DSPP: variants seen among roughly 807,000 people sequenced by gnomAD.
DSPP encodes the protein deafness, autosomal dominant 39.
A neutral mutation model predicts 29.1 loss-of-function variants in DSPP; 28 were observed. That is an observed-to-expected ratio of 0.96 (90% CI 0.71 to 1.32). The LOEUF is 1.32. Among genes scored for constraint, DSPP ranks in the 40% most tolerant of loss-of-function variants. The pLI is 0.00. For synonymous variants in DSPP, 481 were observed against 503.4 expected, an observed-to-expected ratio of 0.96 and a Z score of 0.60; for missense variants, 1,281 against 1,629.9, an observed-to-expected ratio of 0.79 and a Z score of 3.69.
At position 87,615,198 on chromosome 4, in the gene DSPP, G is replaced by T. The variant is rs776496447; in HGVS notation, c.2536G>T (p.Asp846Tyr). 14 of 1,509,144 alleles carry T rather than the reference G, an allele frequency of 9.3e-6. No homozygotes were observed. Among genetic ancestry groups the T allele is most frequent in the Admixed American group, 6.2e-5 (3 of 48,016 alleles). The allele number at this position is 1,509,144 out of a possible 1,614,324, so 93.5% of individuals were successfully genotyped here. A position where few individuals can be genotyped will look rare whatever the true frequency, so the allele number is the denominator to read the frequency against. Residue 846 changes from aspartate (D) to tyrosine (Y), a missense_variant, in exon 5 of 5, where the codon GAT becomes TAT. Around this residue, in one of 4 missense-constraint regions of DSPP, gnomAD observed 444 missense variants for 611.4 expected, o/e 0.73. Coordinates refer to ENST00000651931, the MANE Select transcript of DSPP (RefSeq NM_014208.3). Reference protein sequence around the residue: ...SNSSDSSDSSDSSDGSDSDSS... With the variant: ...SNSSDSSDSSYSSDGSDSDSS... ...CAGCAGTGATAGCAGCGACAGCAGC[G>T]ATAGCAGTGACGGCAGTGATAGCGA...
In DSPP at chr4:87,614,609, C is replaced by T. The variant is rs1448359008; in HGVS notation, c.1947C>T (p.Asp649=). The T allele has an allele frequency of 1.9e-6, 3 of 1,548,080 alleles. No individual in the cohort carries two copies. Among genetic ancestry groups the T allele is most frequent in the Non-Finnish European group, 1.7e-6 (2 of 1,144,396 alleles). Residue 649 remains aspartate, a synonymous_variant, in exon 5 of 5, where the codon GAC becomes GAT. Coordinates refer to ENST00000651931, the MANE Select transcript of DSPP (RefSeq NM_014208.3). ...KSDSSDSNSS[D]SSDNSDSSDS... Reference sequence around the variant, plus strand: ...ACAGCAGTGACAGCAACAGCAGTGACAGTAGTGACAACAGTGATAGCAGCG... The same window carrying T: ...ACAGCAGTGACAGCAACAGCAGTGATAGTAGTGACAACAGTGATAGCAGCG...
Position 87,612,321 on chromosome 4 carries a change from G to A in DSPP, c.136-1G>A. 6.2e-7 allele frequency: 1 copy of A among 1,613,912 alleles called. No individual in the cohort carries two copies. The highest frequency in any genetic ancestry group is 8.5e-7 in the Non-Finnish European group (1 of 1,179,926). ...AATTGATTGAATTGTTTCTTTTTCA[G>A]GATGAGTTAAATGCCAGTGGAACCA... On this transcript the variant is annotated splice_acceptor_variant, in intron 3 of 4. Transcript: ENST00000651931. LOFTEE classifies it high-confidence loss of function.
At position 87,613,829 on chromosome 4, in the gene DSPP, C is replaced by T; in HGVS notation, c.1167C>T (p.Thr389=). Residue 389 remains threonine (T), a synonymous_variant, in exon 5 of 5, where the codon ACC becomes ACT. Transcript: ENST00000651931. ...KGPSSGNRNI[T]KEVGKGNEGK... is the part of the protein sequence containing the mutation. ...CCAGCAGTGGCAACAGAAATATTAC[C>T]AAAGAAGTTGGGAAAGGCAACGAAG... 6.2e-7 allele frequency: 1 copy of T among 1,614,014 alleles called. No homozygotes were observed. The highest frequency in any genetic ancestry group is 1.1e-5 in the South Asian group (1 of 91,060).
In DSPP at chr4:87,616,420, G is replaced by T. The variant is rs753897059; in HGVS notation, c.3758G>T (p.Ser1253Ile). 7 of 1,551,338 alleles carry T rather than the reference G, an allele frequency of 4.5e-6. No individual in the cohort carries two copies. In the South Asian group the frequency reaches 7.1e-5, roughly 16 times the overall value. ...SSDSSNSSDS[S>I]DSSDSSDSTS... ...GACAGCAGCAACAGCAGTGACAGCA[G>T]CGACAGCAGTGATAGCAGTGACAGC... Residue 1253 changes from serine to isoleucine, a missense_variant, in exon 5 of 5, where the codon AGC becomes ATC. By Grantham distance (142) the Ser-to-Ile change is moderately radical. Transcript: ENST00000651931.
rs766739754 is a variant in DSPP at position 87,612,864 on chromosome 4, A to T, written c.678A>T (p.Glu226Asp). 6.2e-7 allele frequency: 1 copy of T among 1,614,212 alleles called. No homozygotes were observed. Among genetic ancestry groups the T allele is most frequent in the South Asian group, 1.1e-5 (1 of 91,082 alleles). The change falls in exon 4 of 5, where the codon GAA becomes GAT. Residue 226 changes from glutamate to aspartate, a missense_variant. Glu to Asp is a conservative substitution (Grantham distance 45). Coordinates refer to ENST00000651931, the MANE Select transcript of DSPP (RefSeq NM_014208.3). ...QINSKRNGTK[E>D]AEVTPGTGED... ...ACAGCAAGAGAAATGGGACTAAGGA[A>T]GCTGAGGTAACACCAGGCACTGGAG...
rs1180196222 is a variant in DSPP, at chr4:87,615,431, CAGTGAAAGCAGTAATAGT to C, written c.2775_2792del (p.Glu925_Ser930del). 3 of 1,536,090 alleles carry C rather than the reference CAGTGAAAGCAGTAATAGT, an allele frequency of 2.0e-6. No individual in the cohort carries two copies. In the African/African-American group the frequency reaches 4.2e-5, roughly 21 times the overall value. On this transcript the variant is annotated inframe_deletion, in exon 5 of 5. Transcript: ENST00000651931. ...GTGATAGCAGCAACAGCAGTGATAG[CAGTGAAAGCAGTAATAGT>C]AGTGACAACAGCAATAGCAGTGACA...
Position 87,616,794 on chromosome 4 carries a change from T to C in DSPP, c.*226T>C. 3.0e-6 allele frequency: 2 copies of C among 673,316 alleles called. No individual in the cohort carries two copies. The highest frequency in any genetic ancestry group is 5.0e-6 in the Non-Finnish European group (2 of 403,492). 41.7% of individuals were successfully genotyped at this position (673,316 alleles called of 1,614,324 possible). ...TTTGGTACATGCCTGTTAATATTCATGTTCTGAAAATATTTTGTTAAAAGT... is the reference window on the plus strand; with the variant it reads ...TTTGGTACATGCCTGTTAATATTCACGTTCTGAAAATATTTTGTTAAAAGT... On this transcript the variant is annotated 3_prime_UTR_variant, in exon 5 of 5. Coordinates refer to ENST00000651931, the MANE Select transcript of DSPP (RefSeq NM_014208.3).
Position 87,615,637 on chromosome 4 carries a change from G to A in DSPP, c.2975G>A (p.Ser992Asn). 1 of 1,538,924 alleles carries A rather than the reference G, an allele frequency of 6.5e-7. No individual in the cohort carries two copies. The highest frequency in any genetic ancestry group is 8.8e-7 in the Non-Finnish European group (1 of 1,139,404). Residue 992 changes from serine to asparagine, a missense_variant, in exon 5 of 5, where the codon AGT becomes AAT. Ser to Asn is a conservative substitution (Grantham distance 46, BLOSUM62 1). Coordinates refer to ENST00000651931, the MANE Select transcript of DSPP (RefSeq NM_014208.3). The part of the protein sequence containing the change: ...SSDSSDSSDS[S>N]DSSDSSDSSN... Reference sequence around the variant, plus strand: ...GATAGCAGTGACAGCAGTGATAGCAGTGACAGCAGTGACAGCAGTGATAGC... The same window carrying A: ...GATAGCAGTGACAGCAGTGATAGCAATGACAGCAGTGACAGCAGTGATAGC...
At chr4:87,609,514 C>T (rs572332092) in intron 1 of DSPP, among the ~76,000 whole-genome samples, 5 of 152,272 alleles carry the variant, frequency 3.3e-5, no homozygotes, top group Admixed American at 2.6e-4. Context: ...TCACCTCAGC[C>T]TCACTTGAAT....
rs1727812700 is a variant in DSPP, at chr4:87,614,498, CAGT to C, written c.1840_1842del (p.Ser614del). Reference sequence around the variant, plus strand: ...GTAGTGACAGCAGTGATAGCAGTGACAGTAGTGATAGTAGTGACAGCAGTGACA... The same window carrying C: ...GTAGTGACAGCAGTGATAGCAGTGACAGTGATAGTAGTGACAGCAGTGACA... On this transcript the variant is annotated inframe_deletion, in exon 5 of 5. Coordinates refer to ENST00000651931, the MANE Select transcript of DSPP (RefSeq NM_014208.3). 1 of 1,551,302 alleles carries C rather than the reference CAGT, an allele frequency of 6.4e-7. No individual in the cohort carries two copies. The highest frequency in any genetic ancestry group is 8.7e-7 in the Non-Finnish European group (1 of 1,146,920).
At position 87,615,285 on chromosome 4, in the gene DSPP, AACAGCAGTG is replaced by A; in HGVS notation, c.2634_2642del (p.Ser883_Ser885del). ...CAGCAGCGATAGCAGTGACAGCAGCAACAGCAGTGACAGCAGTGATAGCAGTGACAGCAA... is the reference window on the plus strand; with the variant it reads ...CAGCAGCGATAGCAGTGACAGCAGCAACAGCAGTGATAGCAGTGACAGCAA... On this transcript the variant is annotated inframe_deletion, in exon 5 of 5. Coordinates refer to ENST00000651931, the MANE Select transcript of DSPP (RefSeq NM_014208.3). 3.4e-6 allele frequency: 5 copies of A among 1,481,272 alleles called. No individual in the cohort carries two copies. The highest frequency in any genetic ancestry group is 2.6e-5 in the East Asian group (1 of 38,174). 91.8% of individuals were successfully genotyped at this position (1,481,272 alleles called of 1,614,324 possible). A position where few individuals can be genotyped will look rare whatever the true frequency, so the allele number is the denominator to read the frequency against.
intron 2 of DSPP, 103 bp downstream of exon 2, chr4:87,611,062 T>C (rs553080380): frequency 8.2e-5 from 89 of 1,079,320 alleles, no homozygotes; most frequent in African/African-American, 2.5e-4. Context: ...TGTGTGTGTG[T>C]GCATGTACAT....
At position 87,614,665 on chromosome 4, in the gene DSPP, GTAGTGA is replaced by G. The variant is rs1307404625; in HGVS notation, c.2004_2009del (p.Asp670_Ser671del). On this transcript the variant is annotated inframe_deletion, in exon 5 of 5. Transcript: ENST00000651931. ...AGCAATAGCAGTAACAGCAGTGATA[GTAGTGA>G]CAGCAGTGATAGCAGTGACAGCAGC... is the stretch of plus-strand genomic sequence containing the variant. 6.5e-7 allele frequency: 1 copy of G among 1,526,930 alleles called. No individual in the cohort carries two copies. The highest frequency in any genetic ancestry group is 2.5e-5 in the East Asian group (1 of 40,616). 94.6% of individuals were successfully genotyped at this position (1,526,930 alleles called of 1,614,324 possible).
rs1399473810 is a variant in DSPP at position 87,615,890 on chromosome 4, C to T, written c.3228C>T (p.Ser1076=). ...SSDSSDSSDS[S]DSSDSSESSD... is the part of the protein sequence containing the mutation. ...ATAGCAGTGACAGCAGTGACAGCAG[C>T]GACAGCAGTGATAGCAGTGAAAGCA... The change falls in exon 5 of 5, where the codon AGC becomes AGT. Residue 1076 remains serine (S), a synonymous_variant. Coordinates refer to ENST00000651931, the MANE Select transcript of DSPP (RefSeq NM_014208.3). The T allele has an allele frequency of 8.3e-5, 125 of 1,510,502 alleles. 2 individuals are homozygous for T. Among genetic ancestry groups the T allele is most frequent in the African/African-American group, 6.6e-4 (38 of 57,258 alleles). The allele number at this position is 1,510,502 out of a possible 1,614,324, so 93.6% of individuals were successfully genotyped here.
chr4:87,613,819 G>A lies in DSPP; in HGVS notation c.1157G>A (p.Arg386Lys). ...ATCAAGGGTCCCAGCAGTGGCAACAGAAATATTACCAAAGAAGTTGGGAAA... is the reference window on the plus strand; with the variant it reads ...ATCAAGGGTCCCAGCAGTGGCAACAAAAATATTACCAAAGAAGTTGGGAAA... ...IEIKGPSSGN[R>K]NITKEVGKGN... The change falls in exon 5 of 5, where the codon AGA becomes AAA. Residue 386 changes from arginine to lysine, a missense_variant. Physicochemically the swap from Arg to Lys is conservative, Grantham distance 26. This residue lies in a region of DSPP where 631 missense variants were observed against 643.2 expected (regional missense o/e 0.98). Transcript: ENST00000651931. The A allele has an allele frequency of 4.3e-6, 7 of 1,614,158 alleles. No homozygotes were observed. The highest frequency in any genetic ancestry group is 5.9e-6 in the Non-Finnish European group (7 of 1,180,020).
At position 87,616,489 on chromosome 4, in the gene DSPP, G is replaced by A; in HGVS notation, c.3827G>A (p.Gly1276Asp). The A allele has an allele frequency of 6.4e-7, 1 of 1,551,758 alleles. No individual in the cohort carries two copies. Among genetic ancestry groups the A allele is most frequent in the African/African-American group, 1.4e-5 (1 of 73,168 alleles). ...NDESDSQSKS[G>D]NGNNNGSDSD... The stretch of plus-strand genomic sequence containing the variant: ...GAGAGTGACAGCCAGAGCAAGTCTG[G>A]TAACGGTAACAACAATGGAAGTGAC... The change falls in exon 5 of 5, where the codon GGT becomes GAT. Residue 1276 changes from glycine (G) to aspartate (D), a missense_variant. By Grantham distance (94) the Gly-to-Asp change is moderately conservative. This residue lies in a region of DSPP where 134 missense variants were observed against 185.0 expected (regional missense o/e 0.72). Coordinates refer to ENST00000651931, the MANE Select transcript of DSPP (RefSeq NM_014208.3).
chr4:87,613,953 G>A lies in DSPP; in HGVS notation c.1291G>A (p.Glu431Lys), dbSNP rs1417824638. The A allele has an allele frequency of 6.2e-7, 1 of 1,614,054 alleles. No individual in the cohort carries two copies. The highest frequency in any genetic ancestry group is 1.3e-5 in the African/African-American group (1 of 74,920). ...CATAGAAGGACCTGGCCAAAAATCA[G>A]AACCAGGAAATAAAGTTGGACACAG... ...VNIEGPGQKSEPGNKVGHSNT... is the reference protein window; with the variant it reads ...VNIEGPGQKSKPGNKVGHSNT... Residue 431 changes from glutamate (E) to lysine (K), a missense_variant, in exon 5 of 5, where the codon GAA (glutamate) becomes AAA (lysine). Glu to Lys is a moderately conservative substitution (Grantham distance 56). This residue lies in a region of DSPP where 631 missense variants were observed against 643.2 expected (regional missense o/e 0.98). Coordinates refer to ENST00000651931, the MANE Select transcript of DSPP (RefSeq NM_014208.3).
rs1187201069 is a variant in DSPP, at chr4:87,615,830, T to TAGCAGTGACAGCAGTGAC, written c.3174_3191dup (p.Asp1077_Ser1082dup). ...GCAGTGACAGCAGTGACAGCAGCAATAGCAGTGACAGCAGTGACAGCAGCG... is the reference window on the plus strand; with the variant it reads ...GCAGTGACAGCAGTGACAGCAGCAATAGCAGTGACAGCAGTGACAGCAGTGACAGCAGTGACAGCAGCG... On this transcript the variant is annotated inframe_insertion, in exon 5 of 5. Coordinates refer to ENST00000651931, the MANE Select transcript of DSPP (RefSeq NM_014208.3). The TAGCAGTGACAGCAGTGAC allele has an allele frequency of 6.9e-7, 1 of 1,459,536 alleles. No homozygotes were observed. The highest frequency in any genetic ancestry group is 9.1e-7 in the Non-Finnish European group (1 of 1,100,604). 90.4% of individuals were successfully genotyped at this position (1,459,536 alleles called of 1,614,324 possible).
Position 87,614,446 on chromosome 4 carries a change from G to A in DSPP, c.1784G>A (p.Ser595Asn). 6.4e-7 allele frequency: 1 copy of A among 1,553,040 alleles called. No homozygotes were observed. Among genetic ancestry groups the A allele is most frequent in the Non-Finnish European group, 8.7e-7 (1 of 1,147,916 alleles). Residue 595 changes from serine (S) to asparagine (N), a missense_variant, in exon 5 of 5, where the codon AGT (serine) becomes AAT (asparagine). This residue lies in a region of DSPP where 444 missense variants were observed against 611.4 expected (regional missense o/e 0.73). Coordinates refer to ENST00000651931, the MANE Select transcript of DSPP (RefSeq NM_014208.3). ...AGCAGTGATAGCAGTGACAGTGATA[G>A]TAGTGATAGCAGCAATAGCAGTGAC... is the stretch of plus-strand genomic sequence containing the variant. ...SDSSDSSDSD[S>N]SDSSNSSDSS...
Sources: gnomAD v4.1 joint callset for allele counts (sites outside exome capture counted in the v4.1 genomes callset) on GRCh38, gnomAD v4.1.1 for gene constraint, gnomAD v4.1.1 regional missense constraint, MANE v1.5 for transcripts, NCBI Gene and HGNC (gene_info 2026-07-23, HGNC 2026-07-21) for gene names.